The following POU6F2 variants were observed in gnomAD, a reference collection of about 807,000 sequenced individuals.
POU6F2 encodes the protein POU domain, class 6, transcription factor 2.
Under a neutral mutation model 71.3 loss-of-function variants are expected in POU6F2, and 31 were observed. That is an observed-to-expected ratio of 0.43 (90% CI 0.33 to 0.59). POU6F2 has a LOEUF of 0.59. POU6F2 is among the 20% of genes least tolerant of loss of function. The pLI is 0.04. For synonymous variants in POU6F2, 347 were observed against 355.7 expected, an observed-to-expected ratio of 0.98 and a Z score of 0.27; for missense variants, 783 against 856.8, an observed-to-expected ratio of 0.91 and a Z score of 1.07.
chr7:39,127,917 A>T (rs1158319648), intron 2 of POU6F2, among the ~76,000 whole-genome samples: 1 of 135,490 alleles, frequency 7.4e-6, no homozygotes, highest in Non-Finnish European at 1.5e-5. Flanking sequence ...ATCTCTGCTC[A>T]CTGCAAACTC....
chr7:39,158,293 G>A (rs141446594), intron 2 of POU6F2, among the ~76,000 whole-genome samples: 1 of 152,234 alleles, frequency 6.6e-6, no homozygotes, highest in African/African-American at 2.4e-5. Context: ...CAGGATTGAG[G>A]ATACAGTGTT....
intron 1 of POU6F2, among the ~76,000 whole-genome samples, chr7:38,992,474 A>T (rs1338043491): frequency 6.6e-6 from 1 of 152,194 alleles, no homozygotes; most frequent in East Asian, 1.9e-4. Flanking sequence ...CATAATGTTG[A>T]ATCTTAAAAC....
rs1373863260 is a variant in POU6F2 at position 39,464,194 on chromosome 7, G to A, written c.1671G>A (p.Leu557=). 1.9e-6 allele frequency: 3 copies of A among 1,613,684 alleles called. No homozygotes were observed. The highest frequency in any genetic ancestry group is 2.5e-6 in the Non-Finnish European group (3 of 1,179,696). ...TTTTCCCCCCCAGACACACCATCCTGAGAAGCCACTTTTTCCTACCACAGG... is the reference window on the plus strand; with the variant it reads ...TTTTCCCCCCCAGACACACCATCCTAAGAAGCCACTTTTTCCTACCACAGG... ...SQSAICRHTI[L]RSHFFLPQEA... The change falls in exon 10 of 10, where the codon CTG becomes CTA. Residue 557 remains leucine (L), a synonymous_variant. Transcript: ENST00000518318. The surrounding 1 kb of genome is among the most constrained non-coding windows in gnomAD (Gnocchi z 4.1).
At position 39,446,579 on chromosome 7, in the gene POU6F2, C is replaced by T. The variant is rs549270802; in HGVS notation, c.1321-4954C>T. Among the ~76,000 whole-genome samples the T allele has an allele frequency of 3.3e-5, 5 of 152,290 alleles. No homozygotes were observed. The East Asian group carries it at 9.6e-4, about 29-fold the overall frequency. ...TCAGTGGCACAGAAAACCAAGAAAG[C>T]CTTTACAGTGTGCTGTTATTTCAGT... is the stretch of plus-strand genomic sequence containing the variant. On this transcript the variant is annotated intron_variant, in intron 7 of 9. Transcript: ENST00000518318.
At chr7:39,441,607 A>T (rs1788407159) in intron 7 of POU6F2, among the ~76,000 whole-genome samples, 1 of 152,252 alleles carries the variant, frequency 6.6e-6, no homozygotes, top group African/African-American at 2.4e-5. Context: ...CTAGCATCCA[A>T]GTATTTCAAA....
chr7:39,334,374 A>G (rs1785721283), intron 4 of POU6F2, among the ~76,000 whole-genome samples: 1 of 152,196 alleles, frequency 6.6e-6, no homozygotes, highest in African/African-American at 2.4e-5. Flanking sequence ...GGCATATGAC[A>G]GATGAAAAAT....
intron 1 of POU6F2, among the ~76,000 whole-genome samples, chr7:39,084,474 C>T (rs1320813096): frequency 2.6e-5 from 4 of 152,090 alleles, no homozygotes; most frequent in African/African-American, 9.7e-5. Flanking sequence ...AGTGCTTCAG[C>T]CTTAAATAGG....
At chr7:39,454,667 T>G (rs183681457) in intron 8 of POU6F2, among the ~76,000 whole-genome samples, 244 of 896 alleles carry the variant, frequency 0.27, 11 homozygotes, top group East Asian at 0.5. Context: ...TATATATATA[T>G]ATATATATAT....
chr7:39,131,834 G>GTT (rs1428727087), intron 2 of POU6F2, among the ~76,000 whole-genome samples: 81 of 125,448 alleles, frequency 6.5e-4, no homozygotes, highest in East Asian at 4.1e-3. Context: ...CATCTATTTT[G>GTT]TTTTATATTT....
At chr7:39,242,504 T>C (rs1351434787) in intron 4 of POU6F2, among the ~76,000 whole-genome samples, 1 of 152,138 alleles carries the variant, frequency 6.6e-6, no homozygotes, top group Non-Finnish European at 1.5e-5. Context: ...TTGTCTACTC[T>C]GTATCTTTTT....
chr7:39,459,243 C>T (rs1788883168), intron 8 of POU6F2, among the ~76,000 whole-genome samples: 1 of 152,110 alleles, frequency 6.6e-6, no homozygotes, highest in Admixed American at 6.5e-5. Flanking sequence ...GGACTTTTGT[C>T]GTTGTTGTTT....
intron 1 of POU6F2, among the ~76,000 whole-genome samples, chr7:39,074,206 G>C (rs560357531): frequency 6.6e-6 from 1 of 152,116 alleles, no homozygotes; most frequent in African/African-American, 2.4e-5. Flanking sequence ...AAAATTAGCT[G>C]GGCGTAATGG....
intron 5 of POU6F2, among the ~76,000 whole-genome samples, chr7:39,368,213 T>C (rs1377741749): frequency 6.6e-6 from 1 of 152,152 alleles, no homozygotes. Context: ...TTAGCCAAGT[T>C]GTGAATGCAA....
intron 6 of POU6F2, among the ~76,000 whole-genome samples, chr7:39,408,810 A>T (rs2115905867): frequency 6.6e-6 from 1 of 152,224 alleles, no homozygotes; most frequent in Non-Finnish European, 1.5e-5. Context: ...TCATGTAGTG[A>T]TATGGTTGGT....
chr7:39,288,925 A>T (rs1421100038), intron 4 of POU6F2, among the ~76,000 whole-genome samples: 2 of 152,204 alleles, frequency 1.3e-5, no homozygotes, highest in African/African-American at 4.8e-5. Context: ...AAGACAGCAC[A>T]TTCCATCCTT....
chr7:39,055,702 AAGT>A, intron 1 of POU6F2, among the ~76,000 whole-genome samples: 1 of 152,198 alleles, frequency 6.6e-6, no homozygotes, highest in South Asian at 2.1e-4. Context: ...CAAAGCAGGT[AAGT>A]AATGTTCTAG....
At chr7:39,275,581 C>T (rs1469439792) in intron 4 of POU6F2, among the ~76,000 whole-genome samples, 1 of 152,168 alleles carries the variant, frequency 6.6e-6, no homozygotes, top group Non-Finnish European at 1.5e-5. Flanking sequence ...CAAAAAAGAG[C>T]CCGCATTGCC....
chr7:39,459,483 G>A (rs1421288382), intron 8 of POU6F2, among the ~76,000 whole-genome samples: 1 of 151,834 alleles, frequency 6.6e-6, no homozygotes, highest in South Asian at 2.1e-4. Context: ...GTTTTGTTTT[G>A]TTTTGTTTTG....
chr7:39,241,822 A>G (rs2128751420), intron 4 of POU6F2, among the ~76,000 whole-genome samples: 1 of 152,258 alleles, frequency 6.6e-6, no homozygotes, highest in South Asian at 2.1e-4. Context: ...ACAAACACAC[A>G]CAGTTGGTGT....
Sources: allele counts gnomAD v4.1 joint callset (sites outside exome capture counted in the v4.1 genomes callset), GRCh38; gene constraint gnomAD v4.1.1; non-coding constraint Gnocchi (gnomAD v3.1); transcripts MANE v1.5; gene names NCBI Gene and HGNC (gene_info 2026-07-23, HGNC 2026-07-21).